CSPG4: variants seen among roughly 807,000 people sequenced by gnomAD.
CSPG4 encodes chondroitin sulfate proteoglycan 4 (melanoma-associated).
CSPG4 carries 74 observed loss-of-function variants against 139.3 expected under a neutral mutation model. That is an observed-to-expected ratio of 0.53 (90% CI 0.44 to 0.64). The LOEUF (loss-of-function observed/expected upper bound fraction) is 0.64, where lower values mean the gene tolerates loss of function less well. CSPG4 is among the 30% of genes least tolerant of loss of function. The pLI is 0.00. For missense variants in CSPG4, 2,565 were observed against 3,148.3 expected, an observed-to-expected ratio of 0.81 and a Z score of 4.43; for synonymous variants, 1,234 against 1,394.2, an observed-to-expected ratio of 0.89 and a Z score of 2.56.
At chr15:75,702,353 C>T (rs1007051478) in intron 1 of CSPG4, among the ~76,000 whole-genome samples, 1 of 152,278 alleles carries the variant, frequency 6.6e-6, no homozygotes, top group African/African-American at 2.4e-5. Flanking sequence ...TGTGAAATGT[C>T]CTCATGCTCT....
rs1165375335 is a variant in CSPG4 at position 75,698,336 on chromosome 15, C to T, written c.89-5103G>A. Among the ~76,000 whole-genome samples, 2 of 150,928 alleles carry T rather than the reference C, an allele frequency of 1.3e-5. No individual in the cohort carries two copies. Among genetic ancestry groups the T allele is most frequent in the Non-Finnish European group, 1.5e-5 (1 of 67,776 alleles). On this transcript the variant is annotated intron_variant, in intron 1 of 9. Transcript: ENST00000308508. The surrounding 1 kb of genome is among the most constrained non-coding windows in gnomAD (Gnocchi z 4.3). ...TGTATGTGGTGGGGCGGGGGGTGGT[C>T]GTGGCCCACCTGGGGGCTGAATGCC...
At chr15:75,706,506 C>T (rs898324263) in intron 1 of CSPG4, among the ~76,000 whole-genome samples, 6 of 152,208 alleles carry the variant, frequency 3.9e-5, no homozygotes, top group African/African-American at 7.2e-5. Context: ...GGTCATGAAC[C>T]GGGGACAGAG....
At position 75,690,542 on chromosome 15, in the gene CSPG4, G is replaced by A. The variant is rs1894150617; in HGVS notation, c.523C>T (p.Leu175Phe). Residue 175 changes from leucine (L) to phenylalanine (F), a missense_variant, in exon 3 of 10, where the codon CTC becomes TTC. This residue lies in a region of CSPG4 where 132 missense variants were observed against 132.3 expected (regional missense o/e 1.00). Coordinates refer to ENST00000308508, the MANE Select transcript of CSPG4 (RefSeq NM_001897.5). ...GGCCGGAGGAGGCTGCGGCCATTGA[G>A]GGTGGCTGCATGGAGGCAACCCCTC... ...PLRGCLHAAT[L>F]NGRSLLRPLT... The A allele has an allele frequency of 1.2e-6, 2 of 1,609,566 alleles. No homozygotes were observed. Among genetic ancestry groups the A allele is most frequent in the Non-Finnish European group, 1.7e-6 (2 of 1,179,008 alleles).
chr15:75,708,978 A>G (rs1438202310), intron 1 of CSPG4, among the ~76,000 whole-genome samples: 1 of 152,042 alleles, frequency 6.6e-6, no homozygotes, highest in Non-Finnish European at 1.5e-5. Context: ...CTGTTTCCTG[A>G]CCTGCAGGGC....
At chr15:75,709,171 A>G (rs1486249100) in intron 1 of CSPG4, among the ~76,000 whole-genome samples, 1 of 152,192 alleles carries the variant, frequency 6.6e-6, no homozygotes, top group Non-Finnish European at 1.5e-5. Context: ...TGTTCATACA[A>G]ATTCAGTTCA....
chr15:75,683,337 A>G (rs1192179002), intron 5 of CSPG4, among the ~76,000 whole-genome samples: 3 of 152,186 alleles, frequency 2.0e-5, no homozygotes, highest in Non-Finnish European at 2.9e-5. Context: ...GGAAGGCCCC[A>G]GCTCTTACCC....
intron 1 of CSPG4, among the ~76,000 whole-genome samples, chr15:75,704,640 C>A (rs2040045944): frequency 6.6e-6 from 1 of 152,138 alleles, no homozygotes; most frequent in Admixed American, 6.5e-5. Context: ...CAGGCACAGG[C>A]CTGCCCTTGT....
chr15:75,675,559 G>T lies in CSPG4; in HGVS notation c.6960C>A (p.Tyr2320Ter), dbSNP rs745837181. 4 of 1,506,888 alleles carry T rather than the reference G, an allele frequency of 2.7e-6. No homozygotes were observed. Among genetic ancestry groups the T allele is most frequent in the Admixed American group, 2.3e-5 (1 of 43,648 alleles). 93.3% of individuals were successfully genotyped at this position (1,506,888 alleles called of 1,614,324 possible). ...TPNPALKNGQYWV is the reference protein window; with the variant it reads ...TPNPALKNGQ ...GGGCCCAGGCCAGGCCTCACACCCA[G>T]TACTGGCCATTCTTAAGGGCAGGGT... is the stretch of plus-strand genomic sequence containing the variant. The change falls in exon 10 of 10, where the codon TAC becomes TAA. Residue 2320 changes from tyrosine (Y) to a stop codon, truncating the protein, a stop_gained. Coordinates refer to ENST00000308508, the MANE Select transcript of CSPG4 (RefSeq NM_001897.5). LOFTEE classifies it high-confidence loss of function.
At position 75,682,687 on chromosome 15, in the gene CSPG4, G is replaced by A. The variant is rs1169719352; in HGVS notation, c.4703C>T (p.Pro1568Leu). The change falls in exon 7 of 10, where the codon CCC (proline) becomes CTC (leucine). Residue 1568 changes from proline to leucine, a missense_variant. By Grantham distance (98) the Pro-to-Leu change is moderately conservative. Coordinates refer to ENST00000308508, the MANE Select transcript of CSPG4 (RefSeq NM_001897.5). ...GGCCGTCACTCGGAAGAAGTGTCCG[G>A]GGGAAGTGTGCTCGCCGTCAGAGAG... ...FRLSDGEHTSPGHFFRVTAQK... is the reference protein window; with the variant it reads ...FRLSDGEHTSLGHFFRVTAQK... 2.5e-6 allele frequency: 4 copies of A among 1,613,062 alleles called. No individual in the cohort carries two copies. The highest frequency in any genetic ancestry group is 1.7e-4 in the Middle Eastern group (1 of 6,060).
Position 75,687,609 on chromosome 15 carries a change from C to T in CSPG4, c.3456G>A (p.Leu1152=). The part of the protein sequence containing the change: ...QGTIDTAVLH[L]DTNLDIRSGD... ...CACTGCGGATGTCGAGGTTGGTGTC[C>T]AGGTGGAGCACGGCCGTGTCGATGG... Residue 1152 remains leucine, a synonymous_variant, in exon 3 of 10, where the codon CTG becomes CTA. Transcript: ENST00000308508. The surrounding 1 kb of genome is among the most constrained non-coding windows in gnomAD (Gnocchi z 5.4). 1 of 1,611,694 alleles carries T rather than the reference C, an allele frequency of 6.2e-7. No homozygotes were observed. The highest frequency in any genetic ancestry group is 8.5e-7 in the Non-Finnish European group (1 of 1,179,192).
intron 1 of CSPG4, among the ~76,000 whole-genome samples, chr15:75,707,315 C>T (rs1337786622): frequency 1.3e-5 from 2 of 152,164 alleles, no homozygotes; most frequent in Non-Finnish European, 2.9e-5. Flanking sequence ...TTAAAAAAAT[C>T]TATAATGTTA....
chr15:75,707,631 G>A (rs756701363), intron 1 of CSPG4, among the ~76,000 whole-genome samples: 20 of 152,230 alleles, frequency 1.3e-4, no homozygotes, highest in Non-Finnish European at 2.5e-4. Flanking sequence ...CAGACTTGGG[G>A]AAGGACATCT....
chr15:75,676,666 C>T lies in CSPG4; in HGVS notation c.5853G>A (p.Glu1951=), dbSNP rs1184012666. The change falls in exon 10 of 10, where the codon GAG becomes GAA. Residue 1951 remains glutamate (E), a synonymous_variant. Transcript: ENST00000308508. ...AIEVQLRAPL[E]VPQALGRSSL... ...AGGAGCGCCCCAAAGCTTGGGGCACCTCCAGGGGTGCCCGCAGCTGCACCT... is the reference window on the plus strand; with the variant it reads ...AGGAGCGCCCCAAAGCTTGGGGCACTTCCAGGGGTGCCCGCAGCTGCACCT... 6.3e-7 allele frequency: 1 copy of T among 1,595,370 alleles called. No individual in the cohort carries two copies.
rs1157938087 is a variant in CSPG4, at chr15:75,688,582, G to A, written c.2483C>T (p.Ala828Val). 1 of 1,613,046 alleles carries A rather than the reference G, an allele frequency of 6.2e-7. No homozygotes were observed. The change falls in exon 3 of 10, where the codon GCT (alanine) becomes GTT (valine). Residue 828 changes from alanine (A) to valine (V), a missense_variant. Physicochemically the swap from Ala to Val is moderately conservative, Grantham distance 64. Around this residue, in one of 5 missense-constraint regions of CSPG4, gnomAD observed 2,316 missense variants for 2,818.2 expected, o/e 0.82. Transcript: ENST00000308508. ...TAGTTGAAGGTTGCCTTTCCTGGGA[G>A]CCTGAACCACCTCATAATGGAAGGT... Reference protein sequence around the residue: ...PPTFHYEVVQAPRKGNLQLQG... With the variant: ...PPTFHYEVVQVPRKGNLQLQG...
chr15:75,712,710 A>G lies in CSPG4; in HGVS notation c.46T>C (p.Leu16=). The G allele has an allele frequency of 6.4e-7, 1 of 1,564,266 alleles. No homozygotes were observed. Among genetic ancestry groups the G allele is most frequent in the Non-Finnish European group, 8.7e-7 (1 of 1,155,112 alleles). ...RPPLPAPGLA[L]ALTLTMLARL... is the part of the protein sequence containing the mutation. ...GCCAACATAGTCAGGGTCAAAGCCA[A>G]GGCCAGGCCGGGGGCTGGAAGTGGG... The change falls in exon 1 of 10, where the codon TTG becomes CTG. Residue 16 remains leucine (L), a synonymous_variant. Coordinates refer to ENST00000308508, the MANE Select transcript of CSPG4 (RefSeq NM_001897.5).
rs1013388582 is a variant in CSPG4, at chr15:75,698,195, A to T, written c.89-4962T>A. 1.3e-5 allele frequency among the ~76,000 whole-genome samples: 2 copies of T among 151,952 alleles called. No homozygotes were observed. The highest frequency in any genetic ancestry group is 4.8e-5 in the African/African-American group (2 of 41,346). ...TCGGGGTTTGGCACCACGGCGGGAGATCCTGGCTCCAGGTCTGGGCAGGCA... is the reference window on the plus strand; with the variant it reads ...TCGGGGTTTGGCACCACGGCGGGAGTTCCTGGCTCCAGGTCTGGGCAGGCA... On this transcript the variant is annotated intron_variant, in intron 1 of 9. Transcript: ENST00000308508. This position sits in a 1 kb window ranked among gnomAD's most constrained non-coding sequence, Gnocchi z 4.3.
chr15:75,675,459 A>C lies in CSPG4; in HGVS notation c.*91T>G. ...TCCAGGTCTCTCTTGCTCTGGGGAT[A>C]CTCAGACAGCACCAGGCATGGAAGC... On this transcript the variant is annotated 3_prime_UTR_variant, in exon 10 of 10. Transcript: ENST00000308508. The C allele has an allele frequency of 7.5e-7, 1 of 1,339,064 alleles. No homozygotes were observed. Among genetic ancestry groups the C allele is most frequent in the South Asian group, 2.4e-5 (1 of 42,082 alleles). The allele number at this position is 1,339,064 out of a possible 1,614,324, so 82.9% of individuals were successfully genotyped here. A position where few individuals can be genotyped will look rare whatever the true frequency, so the allele number is the denominator to read the frequency against.
chr15:75,676,141 C>T lies in CSPG4; in HGVS notation c.6378G>A (p.Glu2126=). 1 of 1,544,180 alleles carries T rather than the reference C, an allele frequency of 6.5e-7. No homozygotes were observed. The highest frequency in any genetic ancestry group is 8.7e-7 in the Non-Finnish European group (1 of 1,151,096). Residue 2126 remains glutamate, a synonymous_variant, in exon 10 of 10, where the codon GAG becomes GAA. Transcript: ENST00000308508. The part of the protein sequence containing the change: ...QDLEDGRLGL[E]VGRPEGRAPG... The stretch of plus-strand genomic sequence containing the variant: ...GGGCCCTCCCCTCTGGCCTGCCCAC[C>T]TCCAGCCCCAGCCTCCCGTCCTCAA...
At chr15:75,705,116 G>A (rs769766339) in intron 1 of CSPG4, among the ~76,000 whole-genome samples, 16 of 152,180 alleles carry the variant, frequency 1.1e-4, no homozygotes, top group Non-Finnish European at 2.1e-4. Context: ...TTAGGCTTGG[G>A]AGAAACAGGC....
Sources: gnomAD v4.1 joint callset for allele counts (sites outside exome capture counted in the v4.1 genomes callset) on GRCh38, gnomAD v4.1.1 for gene constraint, gnomAD v4.1.1 regional missense constraint, Gnocchi (gnomAD v3.1) non-coding constraint, MANE v1.5 for transcripts, NCBI Gene and HGNC (gene_info 2026-07-23, HGNC 2026-07-21) for gene names.